TENM1: variants seen among roughly 807,000 people sequenced by gnomAD.
TENM1 encodes the protein teneurin-1.
TENM1 carries 35 observed loss-of-function variants against 174.8 expected under a neutral mutation model. That is an observed-to-expected ratio of 0.20 (90% CI 0.15 to 0.27). The LOEUF (loss-of-function observed/expected upper bound fraction) is 0.27, where lower values mean the gene tolerates loss of function less well. Ranked by LOEUF, TENM1 falls within the 10% of genes least tolerant of loss-of-function variation. TENM1 has a pLI of 1.00. For missense variants in TENM1, 1,633 were observed against 2,130.1 expected, an observed-to-expected ratio of 0.77 and a Z score of 4.59; for synonymous variants, 781 against 798.7, an observed-to-expected ratio of 0.98 and a Z score of 0.37.
the TENM1 span, among the ~76,000 whole-genome samples, chrX:125,007,721 G>A: frequency 2.5e-4 from 28 of 111,621 alleles, no homozygotes; most frequent in African/African-American, 9.1e-4. Flanking sequence ...AAGAGAGTGG[G>A]GGCCAATATT....
chrX:124,717,015 G>A (rs961377503), intron 4 of TENM1, among the ~76,000 whole-genome samples: 10 of 109,967 alleles, frequency 9.1e-5, no homozygotes, highest in Admixed American at 6.8e-4. Flanking sequence ...CTTTCTTTCC[G>A]TCCTGAAGAC....
chrX:125,096,471 A>G, the TENM1 span, among the ~76,000 whole-genome samples: 1 of 112,271 alleles, frequency 8.9e-6, no homozygotes, highest in Non-Finnish European at 1.9e-5. Flanking sequence ...AAGAGTTTCC[A>G]TGACCAAATA....
chrX:124,549,054 A>T (rs2048497700), intron 14 of TENM1, among the ~76,000 whole-genome samples: 1 of 111,837 alleles, frequency 8.9e-6, no homozygotes, highest in Admixed American at 9.5e-5. Context: ...ATTTGTTTCA[A>T]TAAGAAGTTT....
At chrX:124,562,472 T>G (rs189719792) in intron 13 of TENM1, among the ~76,000 whole-genome samples, 1 of 112,926 alleles carries the variant, frequency 8.9e-6, no homozygotes, top group Non-Finnish European at 1.9e-5. Flanking sequence ...CTTATAACAA[T>G]AATATTAAAT....
At chrX:125,183,204 T>C in the TENM1 span, among the ~76,000 whole-genome samples, 1 of 112,100 alleles carries the variant, frequency 8.9e-6, no homozygotes, top group African/African-American at 3.2e-5. Context: ...TATTATGTAT[T>C]AAATGCTATT....
the TENM1 span, among the ~76,000 whole-genome samples, chrX:125,086,135 T>A: frequency 1.8e-5 from 2 of 111,000 alleles, no homozygotes; most frequent in Admixed American, 1.9e-4. Flanking sequence ...TATGATGTTT[T>A]ATAAAAATAA....
At chrX:124,931,952 G>A (rs1014867283) in intron 1 of TENM1, among the ~76,000 whole-genome samples, 3 of 110,531 alleles carry the variant, frequency 2.7e-5, no homozygotes, top group Admixed American at 9.6e-5. Flanking sequence ...TAATTGTTTC[G>A]CCTTTAACTG....
At chrX:124,693,008 C>CAAAAAAAAAAAAAAAAAA (rs576815327) in intron 5 of TENM1, among the ~76,000 whole-genome samples, 1 of 33,567 alleles carries the variant, frequency 3.0e-5, no homozygotes. Flanking sequence ...AACTCCATCT[C>CAAAAAAAAAAAAAAAAAA]AAAAAAAAAA....
intron 3 of TENM1, among the ~76,000 whole-genome samples, chrX:124,809,879 A>AGAGAGAG (rs397763324): frequency 2.4e-4 from 25 of 105,565 alleles, no homozygotes; most frequent in African/African-American, 5.9e-4. Context: ...AGAGAGAGAG[A>AGAGAGAG]AGCAGGAAGC....
intron 11 of TENM1, among the ~76,000 whole-genome samples, chrX:124,579,414 CTT>C (rs2049248511): frequency 9.0e-6 from 1 of 111,106 alleles, no homozygotes; most frequent in Admixed American, 9.6e-5. Context: ...AATGTTTTCC[CTT>C]TCTTTTTCAA....
At chrX:124,767,574 C>T (rs1405106824) in intron 3 of TENM1, among the ~76,000 whole-genome samples, 3 of 110,385 alleles carry the variant, frequency 2.7e-5, no homozygotes, top group Admixed American at 1.9e-4. Flanking sequence ...TTTTTTACAC[C>T]GAAGGCTTTA....
At chrX:124,720,896 A>G in intron 4 of TENM1, among the ~76,000 whole-genome samples, 1 of 111,620 alleles carries the variant, frequency 9.0e-6, no homozygotes, top group South Asian at 3.8e-4. Flanking sequence ...ACTTAAATCT[A>G]TCTCACTTGT....
intron 11 of TENM1, among the ~76,000 whole-genome samples, chrX:124,593,379 G>A (rs187224772): frequency 1.8e-5 from 2 of 111,543 alleles, no homozygotes; most frequent in East Asian, 5.7e-4. Context: ...GCCCAGAAAG[G>A]GTGCAGCAGC....
Position 124,605,992 on chromosome X carries a change from T to C in TENM1, c.2077+35799A>G, listed in dbSNP as rs143638271. On this transcript the variant is annotated intron_variant, in intron 11 of 31. Transcript: ENST00000422452. ...ATGGAAATTCGATTTTTTCCAAGCT[T>C]TCTAAATGAAGCAACATGATGTTTT... Among the ~76,000 whole-genome samples the C allele has an allele frequency of 4.5e-3, 508 of 111,814 alleles. 1 individual carries two copies. Among genetic ancestry groups the C allele is most frequent in the Non-Finnish European group, 7.1e-3 (375 of 52,912 alleles).
the TENM1 span, among the ~76,000 whole-genome samples, chrX:125,097,319 C>T: frequency 8.9e-6 from 1 of 111,902 alleles, no homozygotes; most frequent in African/African-American, 3.2e-5. Context: ...TATCCCCTAA[C>T]TAATCAGCAA....
At chrX:125,099,524 GTCATCACATCACAGGCAGTTC>G in the TENM1 span, among the ~76,000 whole-genome samples, 1 of 111,965 alleles carries the variant, frequency 8.9e-6, no homozygotes, top group African/African-American at 3.2e-5. Flanking sequence ...GAAATGGAAT[GTCATCACATCACAGGCAGTTC>G]TGCCCTCTAC....
At chrX:124,383,245 T>C (rs1161585569) in intron 30 of TENM1, among the ~76,000 whole-genome samples, 2 of 111,160 alleles carry the variant, frequency 1.8e-5, no homozygotes, top group Non-Finnish European at 3.8e-5. Context: ...GCACCCAGCC[T>C]AAAACTCCCC....
chrX:124,380,366 TAAAC>T lies in TENM1; in HGVS notation c.*166_*169del, dbSNP rs775550148. The T allele has an allele frequency of 2.1e-3, 914 of 444,229 alleles. 5 individuals are homozygous for T. The highest frequency in any genetic ancestry group is 0.021 in the African/African-American group (827 of 40,215). 36.6% of individuals were successfully genotyped at this position (444,229 alleles called of 1,213,427 possible). A position where few individuals can be genotyped will look rare whatever the true frequency, so the allele number is the denominator to read the frequency against. On this transcript the variant is annotated 3_prime_UTR_variant, in exon 32 of 32. Transcript: ENST00000422452. The stretch of plus-strand genomic sequence containing the variant: ...AATCTCTGTCATTTCTTAAAGAGTT[TAAAC>T]AAACAATATTAAAATACCATCTTCC...
At chrX:124,995,626 G>A in the TENM1 span, among the ~76,000 whole-genome samples, 5 of 111,343 alleles carry the variant, frequency 4.5e-5, no homozygotes, top group African/African-American at 1.3e-4. Flanking sequence ...ACCAAGGGGA[G>A]TATATGAATG....
Sources: allele counts gnomAD v4.1 joint callset (sites outside exome capture counted in the v4.1 genomes callset), GRCh38; gene constraint gnomAD v4.1.1; transcripts MANE v1.5; gene names NCBI Gene and HGNC (gene_info 2026-07-23, HGNC 2026-07-21).